CHD5: variants seen among roughly 807,000 people sequenced by gnomAD.
The protein encoded by CHD5 is chromodomain helicase DNA binding protein 5.
A neutral mutation model predicts 230.3 loss-of-function variants in CHD5; 69 were observed. That is an observed-to-expected ratio of 0.30 (90% confidence interval 0.25 to 0.37). CHD5 has a LOEUF of 0.37. CHD5 is among the 10% of genes least tolerant of loss of function. The pLI, the probability that CHD5 is intolerant of heterozygous loss-of-function variation, is 1.00. For synonymous variants in CHD5, 1,064 were observed against 1,065.9 expected (o/e 1.00, Z 0.03); for missense variants, 1,827 against 2,622.8 (o/e 0.70, Z 6.63).
At chr1:6,152,032 G>A (rs778380371) in intron 6 of CHD5, among the ~76,000 whole-genome samples, 9 of 152,016 alleles carry the variant, frequency 5.9e-5, no homozygotes, top group African/African-American at 7.3e-5. Flanking sequence ...TACTCCCCCC[G>A]AGAGCAGACC....
rs939110791 is a variant in CHD5, at chr1:6,121,881, T to C, written c.4700-308A>G. On this transcript the variant is annotated intron_variant, in intron 31 of 41. Transcript: ENST00000262450. This position sits in a 1 kb window ranked among gnomAD's most constrained non-coding sequence, Gnocchi z 4.5. ...GAAGTGAGGCAGATGGAGGCCCAGA[T>C]TGGGAGCCACGACACCCGCTCTGGT... Among the ~76,000 whole-genome samples, 3 of 152,150 alleles carry C rather than the reference T, an allele frequency of 2.0e-5. No individual in the cohort carries two copies. The highest frequency in any genetic ancestry group is 6.5e-5 in the Admixed American group (1 of 15,280).
At position 6,131,762 on chromosome 1, in the gene CHD5, G is replaced by A. The variant is rs371109055; in HGVS notation, c.3145-14C>T. 1.4e-5 allele frequency: 22 copies of A among 1,559,384 alleles called. No homozygotes were observed. Among genetic ancestry groups the A allele is most frequent in the African/African-American group, 1.1e-4 (8 of 73,840 alleles). ...CATCTTGGTCATCTGCAGGGGAGAC[G>A]GGCACGTGAGGAACTGCCAAGGAGC... On this transcript the variant is annotated splice_polypyrimidine_tract_variant and intron_variant, in intron 20 of 41. Coordinates refer to ENST00000262450, the MANE Select transcript of CHD5 (RefSeq NM_015557.3). The surrounding 1 kb of genome is among the most constrained non-coding windows in gnomAD (Gnocchi z 5.0).
At chr1:6,151,776 G>A (rs1485453394) in intron 6 of CHD5, among the ~76,000 whole-genome samples, 1 of 136,776 alleles carries the variant, frequency 7.3e-6, no homozygotes, top group East Asian at 2.5e-4. Context: ...TGCAGGGAAA[G>A]AGCTTCCAAC....
At chr1:6,145,388 C>T (rs1385280446) in intron 11 of CHD5, among the ~76,000 whole-genome samples, 1 of 152,234 alleles carries the variant, frequency 6.6e-6, no homozygotes. Context: ...ACAGAGGCCA[C>T]AGGGTAGCTG....
At chr1:6,175,707 T>TGGATGGATGGAC (rs1354983511) in intron 1 of CHD5, among the ~76,000 whole-genome samples, 4 of 151,284 alleles carry the variant, frequency 2.6e-5, no homozygotes, top group African/African-American at 9.7e-5. Flanking sequence ...GATGGATGGA[T>TGGATGGATGGAC]GGACGGACGG....
intron 3 of CHD5, among the ~76,000 whole-genome samples, chr1:6,157,467 G>A (rs537620144): frequency 9.2e-5 from 14 of 152,274 alleles, no homozygotes; most frequent in African/African-American, 3.1e-4. Flanking sequence ...CCACAACCCC[G>A]AAGCCCCTTG....
At chr1:6,112,482 C>T (rs543756170) in intron 34 of CHD5, among the ~76,000 whole-genome samples, 1 of 152,288 alleles carries the variant, frequency 6.6e-6, no homozygotes, top group African/African-American at 2.4e-5. Flanking sequence ...GGTCCTAGTG[C>T]TCCTCCCCGA....
At chr1:6,149,517 AGGGT>A in intron 7 of CHD5, 105 bp from the exon 8 acceptor site, 7 of 1,158,702 alleles carry the variant, frequency 6.0e-6, no homozygotes, top group Non-Finnish European at 8.3e-6. Context: ...TGTCTAATAG[AGGGT>A]GGATGGAAAG....
chr1:6,176,553 T>A (rs1667429300), intron 1 of CHD5, among the ~76,000 whole-genome samples: 1 of 152,146 alleles, frequency 6.6e-6, no homozygotes, highest in African/African-American at 2.4e-5. Flanking sequence ...AGGCTCCTAC[T>A]CCCCTGAGCT....
chr1:6,133,252 T>G (rs1228217860), intron 20 of CHD5, among the ~76,000 whole-genome samples: 2 of 152,190 alleles, frequency 1.3e-5, no homozygotes, highest in African/African-American at 4.8e-5. Flanking sequence ...TGATCAGACT[T>G]GCGTCTCGTG....
Position 6,146,462 on chromosome 1 carries a change from G to A in CHD5, c.1591-39C>T, listed in dbSNP as rs1375180857. 4.4e-6 allele frequency: 7 copies of A among 1,580,794 alleles called. No homozygotes were observed. The East Asian group carries it at 1.3e-4, about 30-fold the overall frequency. On this transcript the variant is annotated intron_variant, in intron 10 of 41. Coordinates refer to ENST00000262450, the MANE Select transcript of CHD5 (RefSeq NM_015557.3). This position sits in a 1 kb window ranked among gnomAD's most constrained non-coding sequence, Gnocchi z 5.1. ...GGCACAAAGTCACAGAAGGGAGATG[G>A]GCCATGGTCCCCTGCATCTCCCTAC...
At position 6,107,522 on chromosome 1, in the gene CHD5, G is replaced by A. The variant is rs552616959; in HGVS notation, c.5579-743C>T. 3.8e-4 allele frequency among the ~76,000 whole-genome samples: 28 copies of A among 72,882 alleles called. No individual in the cohort carries two copies. In the South Asian group the frequency reaches 4.5e-3, roughly 12 times the overall value. 47.8% of individuals were successfully genotyped at this position (72,882 alleles called of 152,430 possible). A position where few individuals can be genotyped will look rare whatever the true frequency, so the allele number is the denominator to read the frequency against. On this transcript the variant is annotated intron_variant, in intron 38 of 41. Coordinates refer to ENST00000262450, the MANE Select transcript of CHD5 (RefSeq NM_015557.3). ...TGGAGGGACGATGGAGGGATGGAGC[G>A]GTGGAGAGATGGAGGGATGGAGGGA...
Position 6,128,021 on chromosome 1 carries a change from ATGGAGGGCG to A in CHD5, c.3903+16_3903+24del, listed in dbSNP as rs1557544524. On this transcript the variant is annotated intron_variant, in intron 25 of 41. Transcript: ENST00000262450. This position sits in a 1 kb window ranked among gnomAD's most constrained non-coding sequence, Gnocchi z 7.8. The stretch of plus-strand genomic sequence containing the variant: ...CTGCGGATGGAGGGCGGGGCTGCGG[ATGGAGGGCG>A]GGCCGGGGACCTTACCACGCCGTCC... The A allele has an allele frequency of 3.9e-6, 6 of 1,544,342 alleles. No individual in the cohort carries two copies. The African/African-American group carries it at 6.9e-5, about 18-fold the overall frequency.
At position 6,167,355 on chromosome 1, in the gene CHD5, T is replaced by A. The variant is rs899750167; in HGVS notation, c.207+795A>T. 6.6e-6 allele frequency among the ~76,000 whole-genome samples: 1 copy of A among 152,190 alleles called. No individual in the cohort carries two copies. The highest frequency in any genetic ancestry group is 6.5e-5 in the Admixed American group (1 of 15,284). Reference sequence around the variant, plus strand: ...ATCTGTGAAGTGAGGTGCTTGCCATTGCTCTCAACATAGGGTCGCTTGGAG... The same window carrying A: ...ATCTGTGAAGTGAGGTGCTTGCCATAGCTCTCAACATAGGGTCGCTTGGAG... On this transcript the variant is annotated intron_variant, in intron 2 of 41. Coordinates refer to ENST00000262450, the MANE Select transcript of CHD5 (RefSeq NM_015557.3). This position sits in a 1 kb window ranked among gnomAD's most constrained non-coding sequence, Gnocchi z 4.5.
At position 6,104,466 on chromosome 1, in the gene CHD5, G is replaced by A. The variant is rs1457332138; in HGVS notation, c.*1008C>T. The A allele has an allele frequency of 1.4e-5, 2 of 147,342 alleles. No homozygotes were observed. Among genetic ancestry groups the A allele is most frequent in the Non-Finnish European group, 3.0e-5 (2 of 66,758 alleles). 9.1% of individuals were successfully genotyped at this position (147,342 alleles called of 1,614,324 possible). On this transcript the variant is annotated 3_prime_UTR_variant, in exon 42 of 42. Coordinates refer to ENST00000262450, the MANE Select transcript of CHD5 (RefSeq NM_015557.3). The stretch of plus-strand genomic sequence containing the variant: ...CGGTTCCACCTCCGGAGGTGGGCAG[G>A]GTAGGCATCCCAGGGCACAGGGCAG...
intron 2 of CHD5, among the ~76,000 whole-genome samples, chr1:6,161,939 G>A (rs115861845): frequency 1.7e-3 from 260 of 152,340 alleles, no homozygotes; most frequent in African/African-American, 6.1e-3. Context: ...TTAATCCTAC[G>A]TGGCCTGCCA....
chr1:6,127,326 A>C (rs1209807510), intron 25 of CHD5, among the ~76,000 whole-genome samples: 1 of 152,170 alleles, frequency 6.6e-6, no homozygotes, highest in African/African-American at 2.4e-5. Flanking sequence ...ATCTCTACTA[A>C]AAATACAAAG....
intron 36 of CHD5, among the ~76,000 whole-genome samples, chr1:6,110,917 C>T (rs1406518788): frequency 1.3e-5 from 2 of 152,156 alleles, no homozygotes; most frequent in African/African-American, 4.8e-5. Flanking sequence ...AACTCAATGA[C>T]TGGGATGCTT....
intron 1 of CHD5, among the ~76,000 whole-genome samples, chr1:6,175,879 T>C (rs1667419772): frequency 6.6e-6 from 1 of 151,418 alleles, no homozygotes. Context: ...AGTGCATGGA[T>C]GAATAGTGGA....
Sources: allele counts gnomAD v4.1 joint callset (sites outside exome capture counted in the v4.1 genomes callset), GRCh38; gene constraint gnomAD v4.1.1; non-coding constraint Gnocchi (gnomAD v3.1); transcripts MANE v1.5; gene names NCBI Gene and HGNC (gene_info 2026-07-23, HGNC 2026-07-21).